Variants in TMEM51 observed in about 807,000 individuals in gnomAD.
TMEM51 encodes transmembrane protein 51.
A neutral mutation model predicts 13.6 loss-of-function variants in TMEM51; 8 were observed. That is an observed-to-expected ratio of 0.59 (90% CI 0.35 to 1.07). The LOEUF is 1.07. TMEM51 is among the 50% of genes least tolerant of loss of function. TMEM51 has a pLI of 0.02. For synonymous variants in TMEM51, 147 were observed against 144.4 expected (o/e 1.02, Z -0.13); for missense variants, 279 against 330.7 (o/e 0.84, Z 1.21).
At chr1:15,212,726 G>GT (rs1282587376) in intron 2 of TMEM51, among the ~76,000 whole-genome samples, 5 of 152,168 alleles carry the variant, frequency 3.3e-5, no homozygotes, top group Non-Finnish European at 5.9e-5. Context: ...GTCCCATCTG[G>GT]TCCTACCGCA....
chr1:15,170,285 T>A (rs1365124802), intron 1 of TMEM51, among the ~76,000 whole-genome samples: 2 of 150,884 alleles, frequency 1.3e-5, no homozygotes, highest in Admixed American at 6.6e-5. Flanking sequence ...CTCCTTTCCC[T>A]CCTCTCCCCC....
chr1:15,201,644 G>A (rs114616174), intron 1 of TMEM51, among the ~76,000 whole-genome samples: 2,883 of 152,256 alleles, frequency 0.019, 94 homozygotes, highest in African/African-American at 0.066. Flanking sequence ...CTCTGGCTAA[G>A]ATGCTTCGAG....
At chr1:15,157,204 C>T (rs936004017) in intron 1 of TMEM51, among the ~76,000 whole-genome samples, 1 of 152,210 alleles carries the variant, frequency 6.6e-6, no homozygotes, top group South Asian at 2.1e-4. Flanking sequence ...CCCTGACCCT[C>T]GACTCCTCCC....
chr1:15,219,212 C>A, intron 3 of TMEM51, 114 bp from the exon 4 acceptor site: 1 of 1,113,258 alleles, frequency 9.0e-7, no homozygotes, highest in Non-Finnish European at 1.3e-6. Context: ...CCTCTAAGAC[C>A]CATTTGTTAT....
intron 1 of TMEM51, chr1:15,164,374 G>A: frequency 2.2e-6 from 1 of 456,066 alleles, no homozygotes; most frequent in Non-Finnish European, 4.4e-6. Context: ...AAGAGTACTG[G>A]TTAGTGTTTT....
chr1:15,190,866 C>T (rs570599812), intron 1 of TMEM51, among the ~76,000 whole-genome samples: 239 of 152,246 alleles, frequency 1.6e-3, no homozygotes, highest in African/African-American at 5.5e-3. Flanking sequence ...CGGTTCACTG[C>T]GACCTCCACC....
At chr1:15,163,894 T>C (rs1011955604) in intron 1 of TMEM51, among the ~76,000 whole-genome samples, 1 of 151,124 alleles carries the variant, frequency 6.6e-6, no homozygotes, top group Non-Finnish European at 1.5e-5. Context: ...AGTGGCGTGG[T>C]CTCGGCTCAC....
At chr1:15,192,059 TAGAAGTGGCCG>T in intron 1 of TMEM51, 1 of 523,956 alleles carries the variant, frequency 1.9e-6, no homozygotes, top group South Asian at 1.4e-5. Flanking sequence ...TGATGAGGAT[TAGAAGTGGCCG>T]GAGCAGACCT....
At position 15,215,254 on chromosome 1, in the gene TMEM51, G is replaced by T; in HGVS notation, c.167G>T (p.Gly56Val). The T allele has an allele frequency of 6.2e-7, 1 of 1,614,242 alleles. No homozygotes were observed. Among genetic ancestry groups the T allele is most frequent in the Non-Finnish European group, 8.5e-7 (1 of 1,180,042 alleles). ...QGSNKTEVGGGILKSKTFSVA... is the reference protein window; with the variant it reads ...QGSNKTEVGGVILKSKTFSVA... The stretch of plus-strand genomic sequence containing the variant: ...AGCAACAAGACCGAGGTGGGTGGCG[G>T]CATCCTCAAGAGCAAGACCTTCTCT... Residue 56 changes from glycine to valine, a missense_variant, in exon 3 of 4, where the codon GGC becomes GTC. Coordinates refer to ENST00000376008, the MANE Select transcript of TMEM51 (RefSeq NM_001136218.2).
intron 1 of TMEM51, among the ~76,000 whole-genome samples, chr1:15,200,586 T>C (rs140779891): frequency 6.1e-4 from 92 of 152,014 alleles, no homozygotes; most frequent in African/African-American, 2.2e-3. Context: ...GCCTATAGAA[T>C]TGTGAAAAAA....
chr1:15,153,018 C>G (rs865798996), upstream of TMEM51, among the ~76,000 whole-genome samples: 4 of 152,232 alleles, frequency 2.6e-5, no homozygotes, highest in Non-Finnish European at 4.4e-5. Flanking sequence ...GCGCAAGAAC[C>G]CGGAATGGGC....
At position 15,219,856 on chromosome 1, in the gene TMEM51, G is replaced by C. The variant is rs1644490096; in HGVS notation, c.*113G>C. ...AGCGGAGGGGCCAGCTGTGCATGGA[G>C]CCATTTGGATGGCGGCGGGCGGGGG... On this transcript the variant is annotated 3_prime_UTR_variant, in exon 4 of 4. Transcript: ENST00000376008. 33 of 1,290,214 alleles carry C rather than the reference G, an allele frequency of 2.6e-5. No individual in the cohort carries two copies. Among genetic ancestry groups the C allele is most frequent in the Non-Finnish European group, 3.5e-5 (33 of 942,426 alleles). 79.9% of individuals were successfully genotyped at this position (1,290,214 alleles called of 1,614,324 possible).
intron 1 of TMEM51, among the ~76,000 whole-genome samples, chr1:15,163,615 T>G (rs1338988811): frequency 3.0e-5 from 4 of 135,212 alleles, no homozygotes; most frequent in South Asian, 4.9e-4. Flanking sequence ...GTATAAGGAG[T>G]TAGTTTCGAG....
At chr1:15,162,701 C>G (rs763298908) in intron 1 of TMEM51, among the ~76,000 whole-genome samples, 44 of 152,192 alleles carry the variant, frequency 2.9e-4, no homozygotes, top group Middle Eastern at 6.8e-3. Flanking sequence ...GAAGGAAATT[C>G]TGACACCATG....
intron 1 of TMEM51, among the ~76,000 whole-genome samples, chr1:15,159,854 C>T (rs1261399487): frequency 6.6e-6 from 1 of 152,140 alleles, no homozygotes; most frequent in Non-Finnish European, 1.5e-5. Flanking sequence ...TTTTTAATGT[C>T]CCCAGAGCTT....
intron 2 of TMEM51, among the ~76,000 whole-genome samples, chr1:15,214,139 T>C (rs946522995): frequency 6.6e-6 from 1 of 151,868 alleles, no homozygotes; most frequent in African/African-American, 2.4e-5. Flanking sequence ...GCATGAACTC[T>C]GCAAACATTT....
At chr1:15,219,236 G>C (rs1356705097) in intron 3 of TMEM51, 90 bp from the exon 4 acceptor site, 1 of 1,368,930 alleles carries the variant, frequency 7.3e-7, no homozygotes, top group Non-Finnish European at 1.0e-6. Flanking sequence ...CAAGGCTGCT[G>C]TGTGTGGACT....
At chr1:15,214,435 G>T (rs1442874445) in intron 2 of TMEM51, among the ~76,000 whole-genome samples, 1 of 152,158 alleles carries the variant, frequency 6.6e-6, no homozygotes, top group Non-Finnish European at 1.5e-5. Context: ...AGCCATTGAG[G>T]GTGGGGAACA....
chr1:15,198,058 G>C (rs935004972), intron 1 of TMEM51, among the ~76,000 whole-genome samples: 2 of 151,710 alleles, frequency 1.3e-5, no homozygotes, highest in African/African-American at 2.4e-5. Flanking sequence ...AGGCAGCACC[G>C]TGATCCTCAG....
Sources: allele counts gnomAD v4.1 joint callset (sites outside exome capture counted in the v4.1 genomes callset), GRCh38; gene constraint gnomAD v4.1.1; transcripts MANE v1.5; gene names NCBI Gene and HGNC (gene_info 2026-07-23, HGNC 2026-07-21).